The following PIMREG variants were observed in gnomAD, a reference collection of about 807,000 sequenced individuals.
PIMREG encodes the protein protein PIMREG.
A neutral mutation model predicts 24.3 loss-of-function variants in PIMREG; 19 were observed. The observed-to-expected ratio is 0.78, with a 90% CI of 0.54 to 1.15. PIMREG has a LOEUF of 1.15. PIMREG is among the 50% of genes most tolerant of loss of function. The pLI is 0.00. For synonymous variants in PIMREG, 112 were observed against 124.1 expected (o/e 0.90, Z 0.65); for missense variants, 283 against 306.8 (o/e 0.92, Z 0.58).
chr17:6,445,658 A>T (rs552288891), intron 2 of PIMREG, among the ~76,000 whole-genome samples: 4 of 152,368 alleles, frequency 2.6e-5, no homozygotes, highest in African/African-American at 9.6e-5. Flanking sequence ...TGTACGTGAT[A>T]GGAAATTGCA....
intron 4 of PIMREG, chr17:6,449,657 G>C (rs1376538429): frequency 7.3e-7 from 1 of 1,377,204 alleles, no homozygotes; most frequent in African/African-American, 1.5e-5. Flanking sequence ...TCCATCACTT[G>C]GAACCTCACG....
At chr17:6,446,000 A>C in intron 2 of PIMREG, 1 of 400,636 alleles carries the variant, frequency 2.5e-6, no homozygotes, top group East Asian at 3.6e-5. Flanking sequence ...AGTCTGGTCT[A>C]ATTAGCATAT....
At chr17:6,446,273 A>G (rs906621320) in intron 2 of PIMREG, 2 of 399,628 alleles carry the variant, frequency 5.0e-6, no homozygotes, top group East Asian at 3.6e-5. Context: ...GACAGAAGCC[A>G]TTAGGATGAA....
Position 6,445,336 on chromosome 17 carries a change from G to C in PIMREG, c.226G>C (p.Glu76Gln), listed in dbSNP as rs1322388500. 3 of 1,614,024 alleles carry C rather than the reference G, an allele frequency of 1.9e-6. No individual in the cohort carries two copies. The Admixed American group carries it at 5.0e-5, about 27-fold the overall frequency. Residue 76 changes from glutamate (E) to glutamine (Q), a missense_variant, in exon 2 of 6, where the codon GAG becomes CAG. Glu to Gln is a conservative substitution (Grantham distance 29). Coordinates refer to ENST00000572447, the MANE Select transcript of PIMREG (RefSeq NM_019013.3). The part of the protein sequence containing the change: ...GPSWKRLETP[E>Q]PGQQGLQAAA... ...CTCCTGGAAACGCCTGGAAACCCCA[G>C]AGCCAGGTCAGCAGGGCCTCCAGGC...
chr17:6,450,310 T>C, intron 5 of PIMREG, 52 bp from the exon 6 acceptor site: 1 of 1,479,876 alleles, frequency 6.8e-7, no homozygotes, highest in South Asian at 1.2e-5. Context: ...GGGAAAGGCA[T>C]CCCTACTTCT....
rs2150702264 is a variant in PIMREG, at chr17:6,445,337, A to G, written c.227A>G (p.Glu76Gly). The change falls in exon 2 of 6, where the codon GAG (glutamate) becomes GGG (glycine). Residue 76 changes from glutamate (E) to glycine (G), a missense_variant. Glu to Gly is a moderately conservative substitution (Grantham distance 98, BLOSUM62 -2). Transcript: ENST00000572447. ...TCCTGGAAACGCCTGGAAACCCCAG[A>G]GCCAGGTCAGCAGGGCCTCCAGGCT... ...GPSWKRLETP[E>G]PGQQGLQAAA... The G allele has an allele frequency of 6.2e-7, 1 of 1,614,134 alleles. No homozygotes were observed. Among genetic ancestry groups the G allele is most frequent in the East Asian group, 2.2e-5 (1 of 44,856 alleles).
intron 4 of PIMREG, chr17:6,449,634 G>T (rs1567652751): frequency 2.3e-6 from 3 of 1,304,826 alleles, no homozygotes; most frequent in Non-Finnish European, 3.0e-6. Context: ...TGGGCCTTGG[G>T]ACCCCATGTT....
rs749152070 is a variant in PIMREG, at chr17:6,445,358, A to G, written c.248A>G (p.Gln83Arg). 12 of 1,614,062 alleles carry G rather than the reference A, an allele frequency of 7.4e-6. No individual in the cohort carries two copies. Among genetic ancestry groups the G allele is most frequent in the African/African-American group, 5.3e-5 (4 of 75,062 alleles). Residue 83 changes from glutamine (Q) to arginine (R), a missense_variant, in exon 2 of 6, where the codon CAG (glutamine) becomes CGG (arginine). Physicochemically the swap from Gln to Arg is conservative, Grantham distance 43 (BLOSUM62 1). Transcript: ENST00000572447. ...ETPEPGQQGL[Q>R]AAARSAKSAL... Reference sequence around the variant, plus strand: ...CCAGAGCCAGGTCAGCAGGGCCTCCAGGCTGCAGCTCGCTCAGCTAAGAGT... The same window carrying G: ...CCAGAGCCAGGTCAGCAGGGCCTCCGGGCTGCAGCTCGCTCAGCTAAGAGT...
chr17:6,449,853 C>G, intron 4 of PIMREG, 175 bp from the exon 5 acceptor site: 1 of 1,403,898 alleles, frequency 7.1e-7, no homozygotes, highest in Non-Finnish European at 9.4e-7. Context: ...GCTGTTTCCC[C>G]ATTCCACTTG....
In PIMREG at chr17:6,450,076, A is replaced by G; in HGVS notation, c.*14+4A>G. ...ATGACTGAGGAAGTGCCTGCAGGTA[A>G]TGCCCACCTCCCAAGAGTCTTTCTC... On this transcript the variant is annotated splice_donor_region_variant and intron_variant, in intron 5 of 5. Coordinates refer to ENST00000572447, the MANE Select transcript of PIMREG (RefSeq NM_019013.3). 1 of 1,613,800 alleles carries G rather than the reference A, an allele frequency of 6.2e-7. No individual in the cohort carries two copies. Among genetic ancestry groups the G allele is most frequent in the Non-Finnish European group, 8.5e-7 (1 of 1,179,742 alleles).
At chr17:6,447,430 G>C in intron 2 of PIMREG, 33 bp from the exon 3 acceptor site, 1 of 1,596,578 alleles carries the variant, frequency 6.3e-7, no homozygotes, top group Non-Finnish European at 8.6e-7. Context: ...TTTTGGTTTT[G>C]TCTGTGCTAA....
intron 3 of PIMREG, among the ~76,000 whole-genome samples, 196 bp downstream of exon 3, chr17:6,447,954 T>C (rs1035667570): frequency 6.6e-6 from 1 of 152,084 alleles, no homozygotes; most frequent in Non-Finnish European, 1.5e-5. Flanking sequence ...TGTCCTGCTT[T>C]AGCAGATATC....
intron 2 of PIMREG, among the ~76,000 whole-genome samples, chr17:6,447,159 T>C (rs990050842): frequency 6.6e-6 from 1 of 152,078 alleles, no homozygotes; most frequent in Non-Finnish European, 1.5e-5. Flanking sequence ...TCGCCCAGGC[T>C]GGAGTGCCAT....
At chr17:6,447,166 C>T (rs527767627) in intron 2 of PIMREG, among the ~76,000 whole-genome samples, 1 of 152,106 alleles carries the variant, frequency 6.6e-6, no homozygotes, top group South Asian at 2.1e-4. Context: ...GGCTGGAGTG[C>T]CATGGTGCGA....
At chr17:6,446,622 G>C (rs1425279042) in intron 2 of PIMREG, among the ~76,000 whole-genome samples, 2 of 152,164 alleles carry the variant, frequency 1.3e-5, no homozygotes, top group Non-Finnish European at 2.9e-5. Context: ...TGGTGTGAAA[G>C]GCCCAAGAGT....
Position 6,445,370 on chromosome 17 carries a change from G to C in PIMREG, c.260G>C (p.Arg87Pro). ...CAGCAGGGCCTCCAGGCTGCAGCTC[G>C]CTCAGCTAAGAGTGCTTTGGGTGCC... ...PGQQGLQAAA[R>P]SAKSALGAVS... The change falls in exon 2 of 6, where the codon CGC becomes CCC. Residue 87 changes from arginine to proline, a missense_variant. Coordinates refer to ENST00000572447, the MANE Select transcript of PIMREG (RefSeq NM_019013.3). 1 of 1,613,878 alleles carries C rather than the reference G, an allele frequency of 6.2e-7. No individual in the cohort carries two copies. The highest frequency in any genetic ancestry group is 8.5e-7 in the Non-Finnish European group (1 of 1,179,840).
intron 5 of PIMREG, 70 bp from the exon 6 acceptor site, chr17:6,450,292 A>C: frequency 1.5e-6 from 2 of 1,373,160 alleles, no homozygotes; most frequent in Non-Finnish European, 2.0e-6. Flanking sequence ...CCCACCCCGC[A>C]GTGAGCAGGG....
chr17:6,447,860 TTGGCACCCCCTG>T, intron 3 of PIMREG, 102 bp downstream of exon 3: 1 of 1,320,520 alleles, frequency 7.6e-7, no homozygotes, highest in South Asian at 1.5e-5. Context: ...TAGGGGTTTC[TTGGCACCCCCTG>T]TGGCTACCTG....
intron 3 of PIMREG, 69 bp from the exon 4 acceptor site, chr17:6,449,243 A>C: frequency 3.0e-6 from 4 of 1,336,674 alleles, no homozygotes; most frequent in Non-Finnish European, 3.1e-6. Context: ...ACACCCCGGT[A>C]CCGGGTTGCA....
Sources: allele counts gnomAD v4.1 joint callset (sites outside exome capture counted in the v4.1 genomes callset), GRCh38; gene constraint gnomAD v4.1.1; transcripts MANE v1.5; gene names NCBI Gene and HGNC (gene_info 2026-07-23, HGNC 2026-07-21).